The following PRIM2 variants were observed in gnomAD, a reference collection of about 807,000 sequenced individuals.
The protein encoded by PRIM2 is DNA primase large subunit.
In PRIM2, 39 loss-of-function variants were observed where a neutral mutation model predicts 67.3. The ratio of observed to expected loss-of-function variants is 0.58; its 90% CI spans 0.45 to 0.76. The LOEUF (loss-of-function observed/expected upper bound fraction) is 0.76, where lower values mean the gene tolerates loss of function less well. Ranked by LOEUF, PRIM2 falls within the 30% of genes least tolerant of loss-of-function variation. The probability of loss-of-function intolerance (pLI) is 0.00; values close to 1 mark genes in which losing one functional copy is unlikely to be tolerated. For synonymous variants in PRIM2, 143 were observed against 198.7 expected (o/e 0.72, Z 2.36); for missense variants, 398 against 598.7 (o/e 0.66, Z 3.50).
the PRIM2 span, among the ~76,000 whole-genome samples, chr6:57,273,925 G>A: frequency 1.3e-5 from 2 of 152,196 alleles, no homozygotes; most frequent in Admixed American, 1.3e-4. Context: ...ATCAGCAGCG[G>A]TGGCTGCAGA....
At chr6:57,317,229 C>T (rs1365828276), upstream of PRIM2, among the ~76,000 whole-genome samples, 1 of 152,038 alleles carries the variant, frequency 6.6e-6, no homozygotes, top group Non-Finnish European at 1.5e-5. Flanking sequence ...GCCTTTTTTC[C>T]TCATTCCTCC....
intron 5 of PRIM2, among the ~76,000 whole-genome samples, chr6:57,345,474 A>ATATATATGTGTG (rs1554327210): frequency 5.6e-5 from 7 of 124,572 alleles, no homozygotes; most frequent in Non-Finnish European, 1.0e-4. Flanking sequence ...ATATATATAT[A>ATATATATGTGTG]TGTGTGTGTG....
At chr6:57,366,073 T>TA (rs67797113) in intron 5 of PRIM2, among the ~76,000 whole-genome samples, 21 of 148,398 alleles carry the variant, frequency 1.4e-4, no homozygotes, top group South Asian at 4.3e-4. Flanking sequence ...ATAAATAATA[T>TA]AAAAAAAAAC....
At chr6:57,365,612 T>C (rs1360381241) in intron 5 of PRIM2, among the ~76,000 whole-genome samples, 2 of 152,188 alleles carry the variant, frequency 1.3e-5, no homozygotes, top group African/African-American at 4.8e-5. Flanking sequence ...ATTGTCACTT[T>C]CCATAGTTTG....
Position 57,621,798 on chromosome 6 carries a change from C to G in PRIM2, c.1231-10335C>G, listed in dbSNP as rs1414967249. ...TCGTGTTCATTCTTTTTGAATGGCT[C>G]TGAGTTACTTTGTAGTGATCTTTTC... On this transcript the variant is annotated intron_variant, in intron 12 of 13. Transcript: ENST00000615550. Among the ~76,000 whole-genome samples the G allele has an allele frequency of 9.3e-3, 1,415 of 152,272 alleles. 13 individuals carry two copies. Among genetic ancestry groups the G allele is most frequent in the Middle Eastern group, 0.02 (6 of 294 alleles).
chr6:57,619,722 A>G (rs1776818007), intron 12 of PRIM2, among the ~76,000 whole-genome samples: 1 of 152,184 alleles, frequency 6.6e-6, no homozygotes, highest in African/African-American at 2.4e-5. Flanking sequence ...AAGACAAAGA[A>G]AAAAGAATAA....
At chr6:57,323,471 C>T (rs1245480695) in intron 3 of PRIM2, among the ~76,000 whole-genome samples, 2 of 151,738 alleles carry the variant, frequency 1.3e-5, no homozygotes, top group African/African-American at 4.8e-5. Flanking sequence ...GGTCCAAACT[C>T]AAGGGGTTTT....
At chr6:57,286,182 C>A in the PRIM2 span, among the ~76,000 whole-genome samples, 1 of 152,148 alleles carries the variant, frequency 6.6e-6, no homozygotes, top group East Asian at 1.9e-4. Context: ...GCCATACTTC[C>A]CAAAGTAATT....
chr6:57,535,444 C>T (rs1436288078), intron 9 of PRIM2, among the ~76,000 whole-genome samples: 2 of 152,186 alleles, frequency 1.3e-5, no homozygotes, highest in South Asian at 2.1e-4. Context: ...ATGTGTTTAA[C>T]TTACATAGTA....
intron 5 of PRIM2, among the ~76,000 whole-genome samples, chr6:57,327,491 G>A (rs1431075701): frequency 3.9e-5 from 6 of 152,158 alleles, no homozygotes; most frequent in South Asian, 2.1e-4. Flanking sequence ...TTTTGTAGAC[G>A]TTTAGTGTCA....
At chr6:57,278,156 G>C in the PRIM2 span, among the ~76,000 whole-genome samples, 2 of 151,562 alleles carry the variant, frequency 1.3e-5, no homozygotes, top group Non-Finnish European at 2.9e-5. Flanking sequence ...GTGAAACCCT[G>C]TCTCTACCAA....
intron 8 of PRIM2, among the ~76,000 whole-genome samples, chr6:57,520,369 C>G (rs1410489104): frequency 1.3e-5 from 2 of 152,170 alleles, no homozygotes; most frequent in African/African-American, 4.8e-5. Context: ...CTCGACCTCT[C>G]ACTTTTTCAT....
At chr6:57,527,702 A>G (rs1774789257) in intron 8 of PRIM2, among the ~76,000 whole-genome samples, 1 of 152,150 alleles carries the variant, frequency 6.6e-6, no homozygotes, top group South Asian at 2.1e-4. Context: ...CTTGTGTTGT[A>G]TCTAACAATC....
chr6:57,392,553 G>A (rs1770387643), intron 7 of PRIM2, among the ~76,000 whole-genome samples: 1 of 151,552 alleles, frequency 6.6e-6, no homozygotes, highest in African/African-American at 2.4e-5. Flanking sequence ...CAAATAAAAA[G>A]GAACATAGAA....
At chr6:57,603,563 A>G (rs1477425035) in intron 11 of PRIM2, among the ~76,000 whole-genome samples, 2 of 152,110 alleles carry the variant, frequency 1.3e-5, no homozygotes, top group Admixed American at 6.6e-5. Context: ...TACCAGTACC[A>G]TACTGTTTTG....
the PRIM2 span, among the ~76,000 whole-genome samples, chr6:57,301,305 T>C: frequency 2.6e-5 from 4 of 152,022 alleles, no homozygotes; most frequent in Admixed American, 1.3e-4. Flanking sequence ...GTGACCAACA[T>C]GGAGAAACCC....
rs1158722297 is a variant in PRIM2, at chr6:57,627,279, CAAAAAAAAAAAA to C, written c.1231-4836_1231-4825del. 8.2e-4 allele frequency among the ~76,000 whole-genome samples: 20 copies of C among 24,532 alleles called. 1 individual carries two copies. The South Asian group carries it at 0.026, about 32-fold the overall frequency. The allele number at this position is 24,532 out of a possible 152,430, so 16.1% of individuals were successfully genotyped here. A position where few individuals can be genotyped will look rare whatever the true frequency, so the allele number is the denominator to read the frequency against. ...TGGGTGACAGAGTGAGACTCTGTCTCAAAAAAAAAAAAAAAAAAAAAAAAAAAAAGTTTAAAA... is the reference window on the plus strand; with the variant it reads ...TGGGTGACAGAGTGAGACTCTGTCTCAAAAAAAAAAAAAAAAAGTTTAAAA... On this transcript the variant is annotated intron_variant, in intron 12 of 13. Coordinates refer to ENST00000615550, the MANE Select transcript of PRIM2 (RefSeq NM_000947.5).
chr6:57,245,097 G>C, the PRIM2 span, among the ~76,000 whole-genome samples: 1 of 152,166 alleles, frequency 6.6e-6, no homozygotes, highest in Non-Finnish European at 1.5e-5. Flanking sequence ...TCTCTCCACT[G>C]TTTCTGCTGC....
chr6:57,277,707 C>T, the PRIM2 span, among the ~76,000 whole-genome samples: 4 of 152,092 alleles, frequency 2.6e-5, no homozygotes, highest in South Asian at 2.1e-4. Context: ...TGGCCAGGCG[C>T]GGTGGCTTCA....
Sources: gnomAD v4.1 joint callset for allele counts (sites outside exome capture counted in the v4.1 genomes callset) on GRCh38, gnomAD v4.1.1 for gene constraint, MANE v1.5 for transcripts, NCBI Gene and HGNC (gene_info 2026-07-23, HGNC 2026-07-21) for gene names.